PDIA3: variants seen among roughly 807,000 people sequenced by gnomAD.
The protein encoded by PDIA3 is protein disulfide isomerase family A member 3, also known as protein disulfide-isomerase A3.
Under a neutral mutation model 56.9 loss-of-function variants are expected in PDIA3, and 16 were observed. The observed-to-expected ratio is 0.28, with a 90% CI of 0.19 to 0.43. The LOEUF (loss-of-function observed/expected upper bound fraction) is 0.43. Among genes scored for constraint, PDIA3 ranks in the 20% least tolerant of loss-of-function variants. PDIA3 has a pLI of 1.00. For missense variants in PDIA3, 485 were observed against 621.3 expected, an observed-to-expected ratio of 0.78 and a Z score of 2.33; for synonymous variants, 192 against 216.5, an observed-to-expected ratio of 0.89 and a Z score of 0.99.
chr15:43,770,396 G>GA, intron 11 of PDIA3, 67 bp downstream of exon 11: 2 of 1,430,508 alleles, frequency 1.4e-6, no homozygotes, highest in Non-Finnish European at 2.0e-6. Context: ...TAACCACCAG[G>GA]AAATCATTAC....
At chr15:43,770,775 C>T (rs1017324928) in intron 12 of PDIA3, among the ~76,000 whole-genome samples, 195 bp downstream of exon 12, 1 of 152,076 alleles carries the variant, frequency 6.6e-6, no homozygotes, top group Non-Finnish European at 1.5e-5. Context: ...CTCAGCCTCC[C>T]GAGTAGCTGG....
intron 2 of PDIA3, among the ~76,000 whole-genome samples, chr15:43,756,375 G>A (rs1373347767): frequency 6.6e-6 from 1 of 152,138 alleles, no homozygotes; most frequent in South Asian, 2.1e-4. Flanking sequence ...GAAGACCACC[G>A]CTTTAGCTAA....
At chr15:43,768,447 G>A (rs2141657088) in intron 8 of PDIA3, 42 bp from the exon 9 acceptor site, 1 of 1,415,380 alleles carries the variant, frequency 7.1e-7, no homozygotes, top group Non-Finnish European at 1.0e-6. Flanking sequence ...TCTCAGCGGT[G>A]GGAATAGATT....
intron 8 of PDIA3, among the ~76,000 whole-genome samples, chr15:43,767,275 C>T (rs1248719676): frequency 6.6e-6 from 1 of 152,070 alleles, no homozygotes; most frequent in South Asian, 2.1e-4. Context: ...TCGCTTGAAC[C>T]TGGGAGGCGG....
At chr15:43,753,096 G>A (rs1408463469) in intron 1 of PDIA3, 13 of 255,748 alleles carry the variant, frequency 5.1e-5, no homozygotes, top group South Asian at 2.5e-4. Context: ...CCCCCACCCC[G>A]AGACAGAGTC....
At chr15:43,768,020 T>TC (rs1017890220) in intron 8 of PDIA3, among the ~76,000 whole-genome samples, 17 of 150,538 alleles carry the variant, frequency 1.1e-4, no homozygotes, top group East Asian at 5.9e-4. Context: ...ACCAAACCAT[T>TC]CCCCCCCCTC....
chr15:43,761,412 T>A lies in PDIA3; in HGVS notation c.365-12T>A. ...AAGTTGTGTTGTCATAACTTTTATT[T>A]TGACTTCTAAGATGGAATTGTCAGC... On this transcript the variant is annotated splice_polypyrimidine_tract_variant and intron_variant, in intron 3 of 12. Coordinates refer to ENST00000300289, the MANE Select transcript of PDIA3 (RefSeq NM_005313.5). The A allele has an allele frequency of 6.9e-7, 1 of 1,452,886 alleles. No homozygotes were observed. The highest frequency in any genetic ancestry group is 9.6e-7 in the Non-Finnish European group (1 of 1,043,414). 90.0% of individuals were successfully genotyped at this position (1,452,886 alleles called of 1,614,324 possible).
At position 43,750,004 on chromosome 15, in the gene PDIA3, C is replaced by G. The variant is rs144975608; in HGVS notation, c.167+3298C>G. Among the ~76,000 whole-genome samples the G allele has an allele frequency of 7.8e-3, 1,176 of 150,600 alleles. 12 individuals are homozygous for G. The highest frequency in any genetic ancestry group is 0.027 in the African/African-American group (1,116 of 41,028). On this transcript the variant is annotated intron_variant, in intron 1 of 12. Coordinates refer to ENST00000300289, the MANE Select transcript of PDIA3 (RefSeq NM_005313.5). ...ACCTTATTCTCGTCACAAAATAGAC[C>G]TATTTAAGCAAATTCTTTTTCCGCT...
intron 3 of PDIA3, among the ~76,000 whole-genome samples, chr15:43,758,773 C>G (rs890941872): frequency 1.1e-4 from 16 of 151,742 alleles, no homozygotes; most frequent in Non-Finnish European, 2.2e-4. Context: ...GTCAGGAGTT[C>G]TAGACCAGCC....
chr15:43,755,914 CAAAA>C (rs71854552), intron 2 of PDIA3, among the ~76,000 whole-genome samples: 1 of 88,630 alleles, frequency 1.1e-5, no homozygotes, highest in Non-Finnish European at 2.4e-5. Flanking sequence ...AACTCCGTCT[CAAAA>C]AAAAAAAAAA....
chr15:43,746,440 A>ACGCGCGAGCGCAAGCAGCGGGTTAGTGGT lies in PDIA3; in HGVS notation c.-93_-65dup. The stretch of plus-strand genomic sequence containing the variant: ...CCGGCTGCAGGTCCGCCTGGGCCAG[A>ACGCGCGAGCGCAAGCAGCGGGTTAGTGGT]CGCGCGAGCGCAAGCAGCGGGTTAG... On this transcript the variant is annotated 5_prime_UTR_variant, in exon 1 of 13. Coordinates refer to ENST00000300289, the MANE Select transcript of PDIA3 (RefSeq NM_005313.5). 3 of 1,230,890 alleles carry ACGCGCGAGCGCAAGCAGCGGGTTAGTGGT rather than the reference A, an allele frequency of 2.4e-6. No homozygotes were observed. Among genetic ancestry groups the ACGCGCGAGCGCAAGCAGCGGGTTAGTGGT allele is most frequent in the Non-Finnish European group, 3.2e-6 (3 of 930,548 alleles). 76.2% of individuals were successfully genotyped at this position (1,230,890 alleles called of 1,614,324 possible).
At chr15:43,760,837 A>G (rs2086810377) in intron 3 of PDIA3, among the ~76,000 whole-genome samples, 1 of 151,832 alleles carries the variant, frequency 6.6e-6, no homozygotes, top group Non-Finnish European at 1.5e-5. Flanking sequence ...GGCCAAAAAA[A>G]CTTTTTAATA....
intron 10 of PDIA3, 131 bp downstream of exon 10, chr15:43,769,777 T>C: frequency 1.0e-6 from 1 of 993,406 alleles, no homozygotes; most frequent in Non-Finnish European, 1.5e-6. Flanking sequence ...TGCTGTTTAC[T>C]CACTTTCTCG....
rs2141660057 is a variant in PDIA3, at chr15:43,773,039, T to A, written c.*1821T>A. On this transcript the variant is annotated 3_prime_UTR_variant, in exon 13 of 13. Transcript: ENST00000300289. ...GGTCAGCATAAGAAAAGCAGATAGT[T>A]GCATTCTATTTAGTTTATAGCTGCT... is the stretch of plus-strand genomic sequence containing the variant. 3.0e-6 allele frequency: 4 copies of A among 1,320,800 alleles called. No homozygotes were observed. In the East Asian group the frequency reaches 9.2e-5, roughly 31 times the overall value. 81.8% of individuals were successfully genotyped at this position (1,320,800 alleles called of 1,614,324 possible).
chr15:43,763,103 G>A lies in PDIA3; in HGVS notation c.499G>A (p.Ala167Thr). Residue 167 changes from alanine to threonine, a missense_variant, in exon 5 of 13, where the codon GCT becomes ACT. Transcript: ENST00000300289. ...VGFFDDSFSE[A>T]HSEFLKAASN... is the part of the protein sequence containing the mutation. ...TTTTTTCGATGATTCATTCAGTGAG[G>A]CTCACTCCGAGTTCCTAAAAGCAGC... 2 of 1,614,004 alleles carry A rather than the reference G, an allele frequency of 1.2e-6. No homozygotes were observed. Among genetic ancestry groups the A allele is most frequent in the Non-Finnish European group, 1.7e-6 (2 of 1,179,910 alleles).
At position 43,769,655 on chromosome 15, in the gene PDIA3, G is replaced by C. The variant is rs1340508428; in HGVS notation, c.1266+9G>C. 6.2e-7 allele frequency: 1 copy of C among 1,613,532 alleles called. No individual in the cohort carries two copies. Among genetic ancestry groups the C allele is most frequent in the Admixed American group, 1.7e-5 (1 of 59,876 alleles). ...AAGAACTTGGCGAGAAGGTAAGTGT[G>C]AACCCTATTCTGAGGATAACATTTG... On this transcript the variant is annotated intron_variant, in intron 10 of 12. Coordinates refer to ENST00000300289, the MANE Select transcript of PDIA3 (RefSeq NM_005313.5).
intron 7 of PDIA3, among the ~76,000 whole-genome samples, chr15:43,766,395 G>A (rs1293584581): frequency 6.6e-6 from 1 of 152,258 alleles, no homozygotes; most frequent in East Asian, 1.9e-4. Context: ...GTGCTTACTT[G>A]CACATTGAGC....
intron 2 of PDIA3, among the ~76,000 whole-genome samples, chr15:43,755,064 G>A (rs1219939735): frequency 6.6e-6 from 1 of 152,088 alleles, no homozygotes; most frequent in Non-Finnish European, 1.5e-5. Flanking sequence ...GGTGGCTCAC[G>A]CCTGTAATCC....
At chr15:43,764,069 G>T (rs920254196) in intron 5 of PDIA3, among the ~76,000 whole-genome samples, 1 of 152,182 alleles carries the variant, frequency 6.6e-6, no homozygotes, top group Non-Finnish European at 1.5e-5. Flanking sequence ...ACATTTGAGA[G>T]CCATTAAAAG....
Sources: allele counts gnomAD v4.1 joint callset (sites outside exome capture counted in the v4.1 genomes callset), GRCh38; gene constraint gnomAD v4.1.1; transcripts MANE v1.5; gene names NCBI Gene and HGNC (gene_info 2026-07-23, HGNC 2026-07-21).